The following UBE3A variants were observed in gnomAD, a reference collection of about 807,000 sequenced individuals.
UBE3A encodes ubiquitin protein ligase E3A, also known as ubiquitin-protein ligase E3A.
In UBE3A, 6 loss-of-function variants were observed where a neutral mutation model predicts 83.4. That is an observed-to-expected ratio of 0.07 (90% CI 0.04 to 0.14). UBE3A has a LOEUF of 0.14. UBE3A is among the 10% of genes least tolerant of loss of function. UBE3A has a pLI of 1.00. For synonymous variants in UBE3A, 337 were observed against 355.4 expected, an observed-to-expected ratio of 0.95 and a Z score of 0.58; for missense variants, 456 against 1,036.1, an observed-to-expected ratio of 0.44 and a Z score of 7.69.
intron 9 of UBE3A, among the ~76,000 whole-genome samples, chr15:25,355,302 C>T (rs546413193): frequency 6.6e-6 from 1 of 152,166 alleles, no homozygotes; most frequent in African/African-American, 2.4e-5. Flanking sequence ...TGTATCAAAT[C>T]ATAAAAGGAA....
chr15:25,403,660 T>C (rs145140525), intron 4 of UBE3A, among the ~76,000 whole-genome samples: 1,621 of 152,304 alleles, frequency 0.011, 25 homozygotes, highest in Middle Eastern at 0.034. Flanking sequence ...CTCCTGTTCA[T>C]AGCAACATTA....
At position 25,361,984 on chromosome 15, in the gene UBE3A, G is replaced by GT. The variant is rs1203077198; in HGVS notation, c.1609-1458dup. Among the ~76,000 whole-genome samples the GT allele has an allele frequency of 4.6e-5, 7 of 152,238 alleles. No individual in the cohort carries two copies. In the East Asian group the frequency reaches 1.4e-3, roughly 29 times the overall value. On this transcript the variant is annotated intron_variant, in intron 6 of 12. Transcript: ENST00000648336. Reference sequence around the variant, plus strand: ...TCAGGTCAGGTTGCCCGAGAGCATTGTTTTTTCAAACTTGTCACCTGCAAC... The same window carrying GT: ...TCAGGTCAGGTTGCCCGAGAGCATTGTTTTTTTCAAACTTGTCACCTGCAAC...
intron 1 of UBE3A, among the ~76,000 whole-genome samples, chr15:25,421,211 CCT>C (rs1296858410): frequency 6.6e-6 from 1 of 152,108 alleles, no homozygotes; most frequent in East Asian, 1.9e-4. Flanking sequence ...ACTTCCCCAC[CCT>C]CTCTCTTGCT....
intron 1 of UBE3A, among the ~76,000 whole-genome samples, chr15:25,433,557 A>C (rs1894130203): frequency 6.6e-6 from 1 of 152,226 alleles, no homozygotes; most frequent in South Asian, 2.1e-4. Context: ...AAACAAAGCA[A>C]CTATCACTTT....
intron 1 of UBE3A, among the ~76,000 whole-genome samples, chr15:25,412,410 G>A (rs1257888456): frequency 1.3e-5 from 2 of 152,130 alleles, no homozygotes; most frequent in Non-Finnish European, 2.9e-5. Flanking sequence ...GCCTTGGGCC[G>A]ACCCTCTGAC....
At chr15:25,364,203 T>C (rs899016700) in intron 6 of UBE3A, among the ~76,000 whole-genome samples, 3 of 151,942 alleles carry the variant, frequency 2.0e-5, no homozygotes, top group Non-Finnish European at 2.9e-5. Context: ...GTTAAGACCC[T>C]GTCTCAAAAA....
At chr15:25,372,363 TGA>T (rs1048527891) in intron 5 of UBE3A, among the ~76,000 whole-genome samples, 47 of 152,334 alleles carry the variant, frequency 3.1e-4, no homozygotes, top group African/African-American at 1.1e-3. Context: ...AGTCATTCTG[TGA>T]GTGATTGAGA....
At chr15:25,349,085 T>C (rs1284294260) in intron 11 of UBE3A, among the ~76,000 whole-genome samples, 3 of 152,138 alleles carry the variant, frequency 2.0e-5, no homozygotes, top group Non-Finnish European at 4.4e-5. Flanking sequence ...ACAAAACAAA[T>C]TAATAGAACA....
chr15:25,389,449 A>G (rs113492778), intron 4 of UBE3A, among the ~76,000 whole-genome samples: 3,821 of 152,300 alleles, frequency 0.025, 166 homozygotes, highest in African/African-American at 0.088. Context: ...TGAAGAAAAG[A>G]ACTGATAAGC....
chr15:25,404,605 T>G (rs1032142080), intron 4 of UBE3A, among the ~76,000 whole-genome samples: 4 of 152,168 alleles, frequency 2.6e-5, no homozygotes, highest in African/African-American at 9.6e-5. Context: ...TCTCACTGAC[T>G]GAACTACCTT....
chr15:25,410,458 T>C (rs1163195183), intron 2 of UBE3A, among the ~76,000 whole-genome samples: 1 of 152,148 alleles, frequency 6.6e-6, no homozygotes, highest in Non-Finnish European at 1.5e-5. Flanking sequence ...ACGATTCCCC[T>C]ATCCAGGCCA....
At chr15:25,412,992 A>C in intron 1 of UBE3A, 1 of 445,020 alleles carries the variant, frequency 2.2e-6, no homozygotes. Flanking sequence ...ATGAATTTGC[A>C]TTTTAACATA....
chr15:25,381,627 A>G (rs1046313355), intron 4 of UBE3A, among the ~76,000 whole-genome samples: 2 of 152,234 alleles, frequency 1.3e-5, no homozygotes, highest in African/African-American at 4.8e-5. Context: ...GGCTTATATA[A>G]TTAGTCTATA....
In UBE3A at chr15:25,356,774, G is replaced by A. The variant is rs376089007; in HGVS notation, c.1876C>T (p.Leu626=). 4.9e-5 allele frequency: 79 copies of A among 1,613,638 alleles called. No individual in the cohort carries two copies. The highest frequency in any genetic ancestry group is 6.5e-5 in the Non-Finnish European group (77 of 1,179,892). Residue 626 remains leucine, a synonymous_variant, in exon 8 of 13, where the codon CTG becomes TTG. Transcript: ENST00000648336. The part of the protein sequence containing the change: ...LGLAIYNNCI[L]DVHFPMVVYR... ...ACAACCATGGGAAAATGTACATCCA[G>A]TATACAGTTATTGTAAATAGCCAGA...
rs2073926636 is a variant in UBE3A at position 25,335,617 on chromosome 15, T to A, written c.*3520A>T. On this transcript the variant is annotated 3_prime_UTR_variant, in exon 13 of 13. Coordinates refer to ENST00000648336, the MANE Select transcript of UBE3A (RefSeq NM_130839.5). ...GAATGAGAGATTTTGATGATTGGGG[T>A]GAAGGTTACATTTCTTAAAAAGAAA... The A allele has an allele frequency of 6.6e-6, 1 of 151,754 alleles. No homozygotes were observed. Among genetic ancestry groups the A allele is most frequent in the African/African-American group, 2.4e-5 (1 of 41,298 alleles). 9.4% of individuals were successfully genotyped at this position (151,754 alleles called of 1,614,324 possible).
At chr15:25,357,015 G>A (rs1051848662) in intron 7 of UBE3A, 119 bp from the exon 8 acceptor site, 2 of 822,620 alleles carry the variant, frequency 2.4e-6, no homozygotes, top group Admixed American at 2.6e-5. Context: ...TATGTAATTA[G>A]GCATGCAACA....
At chr15:25,372,709 C>T (rs535695678) in intron 5 of UBE3A, among the ~76,000 whole-genome samples, 14 of 152,112 alleles carry the variant, frequency 9.2e-5, no homozygotes, top group African/African-American at 2.9e-4. Flanking sequence ...GTGTACTGAC[C>T]AACATAATAC....
rs1017415721 is a variant in UBE3A at position 25,337,783 on chromosome 15, A to G, written c.*1354T>C. Reference sequence around the variant, plus strand: ...AATGTCTCACCTTAGTTAAAAATACATAATCCTTTTATTTTATAATGCAAT... The same window carrying G: ...AATGTCTCACCTTAGTTAAAAATACGTAATCCTTTTATTTTATAATGCAAT... On this transcript the variant is annotated 3_prime_UTR_variant, in exon 13 of 13. Coordinates refer to ENST00000648336, the MANE Select transcript of UBE3A (RefSeq NM_130839.5). 5 of 152,174 alleles carry G rather than the reference A, an allele frequency of 3.3e-5. No homozygotes were observed. Among genetic ancestry groups the G allele is most frequent in the African/African-American group, 1.2e-4 (5 of 41,456 alleles). The allele number at this position is 152,174 out of a possible 1,614,324, so 9.4% of individuals were successfully genotyped here.
At chr15:25,418,668 G>A (rs1567150284) in intron 1 of UBE3A, 1 of 152,144 alleles carries the variant, frequency 6.6e-6, no homozygotes, top group Non-Finnish European at 1.5e-5. Flanking sequence ...TGGCAAAGGT[G>A]TATACATTTG....
Sources: allele counts gnomAD v4.1 joint callset (sites outside exome capture counted in the v4.1 genomes callset), GRCh38; gene constraint gnomAD v4.1.1; transcripts MANE v1.5; gene names NCBI Gene and HGNC (gene_info 2026-07-23, HGNC 2026-07-21).